The following MTUS2 variants were observed in gnomAD, a reference collection of about 807,000 sequenced individuals.
The protein encoded by MTUS2 is microtubule-associated tumor suppressor candidate 2.
Under a neutral mutation model 114.1 loss-of-function variants are expected in MTUS2, and 40 were observed. The observed-to-expected ratio is 0.35, with a 90% confidence interval of 0.27 to 0.46. The LOEUF (loss-of-function observed/expected upper bound fraction) is 0.46. MTUS2 is among the 20% of genes least tolerant of loss of function. The pLI, the probability that MTUS2 is intolerant of heterozygous loss-of-function variation, is 1.00. For missense variants in MTUS2, 1,679 were observed against 1,705.4 expected (o/e 0.98, Z 0.27); for synonymous variants, 688 against 672.0 (o/e 1.02, Z -0.37).
chr13:29,361,669 C>G (rs1870261729), intron 8 of MTUS2, among the ~76,000 whole-genome samples: 1 of 152,106 alleles, frequency 6.6e-6, no homozygotes, highest in Non-Finnish European at 1.5e-5. Context: ...TTTGAAGTTA[C>G]CAGGTCAGGA....
At chr13:29,476,780 A>G (rs1435247278) in intron 9 of MTUS2, 2 of 152,214 alleles carry the variant, frequency 1.3e-5, no homozygotes, top group Non-Finnish European at 2.9e-5. Context: ...GAGTCCATCG[A>G]GTGACAGTTT....
intron 5 of MTUS2, among the ~76,000 whole-genome samples, chr13:29,247,696 TGTGATACC>T (rs1402128644): frequency 6.6e-6 from 1 of 152,052 alleles, no homozygotes; most frequent in Non-Finnish European, 1.5e-5. Context: ...AAAACTACAA[TGTGATACC>T]GCCATACTCC....
At chr13:28,918,745 T>C (rs1054713205) in intron 2 of MTUS2, among the ~76,000 whole-genome samples, 1 of 152,064 alleles carries the variant, frequency 6.6e-6, no homozygotes, top group African/African-American at 2.4e-5. Flanking sequence ...TGCTTTGTGG[T>C]CTTCCTTCTT....
At chr13:29,411,113 A>G (rs1200636986) in intron 8 of MTUS2, among the ~76,000 whole-genome samples, 3 of 152,194 alleles carry the variant, frequency 2.0e-5, no homozygotes, top group African/African-American at 7.2e-5. Flanking sequence ...TCATGCTCAC[A>G]GGCTTGAGCC....
At chr13:29,086,335 A>G (rs1236676488) in intron 4 of MTUS2, among the ~76,000 whole-genome samples, 1 of 152,146 alleles carries the variant, frequency 6.6e-6, no homozygotes, top group African/African-American at 2.4e-5. Context: ...TGGAGACTTT[A>G]TCATGAAATC....
At chr13:28,931,231 T>C (rs1255275055) in intron 2 of MTUS2, among the ~76,000 whole-genome samples, 3 of 152,162 alleles carry the variant, frequency 2.0e-5, no homozygotes, top group Non-Finnish European at 4.4e-5. Context: ...CAATTGAAAA[T>C]ATTTTTGGGA....
intron 2 of MTUS2, among the ~76,000 whole-genome samples, chr13:28,906,048 G>T (rs1879985868): frequency 6.6e-6 from 1 of 151,626 alleles, no homozygotes; most frequent in Non-Finnish European, 1.5e-5. Flanking sequence ...GCGTAGAGTT[G>T]TTTGTAGTAT....
chr13:29,297,901 A>G (rs1899020278), intron 6 of MTUS2, among the ~76,000 whole-genome samples: 1 of 152,138 alleles, frequency 6.6e-6, no homozygotes, highest in Non-Finnish European at 1.5e-5. Flanking sequence ...AAAACATGCT[A>G]TTCAGTGCTG....
chr13:29,389,291 A>ATATATGTATATATGTATACACATG (rs1872879734), intron 8 of MTUS2, among the ~76,000 whole-genome samples: 4 of 89,984 alleles, frequency 4.4e-5, no homozygotes, highest in Admixed American at 9.6e-5. Flanking sequence ...GTATACACAT[A>ATATATGTATATATGTATACACATG]TGTGTGTATA....
At chr13:29,452,333 T>C (rs1362370741) in intron 9 of MTUS2, among the ~76,000 whole-genome samples, 2 of 152,218 alleles carry the variant, frequency 1.3e-5, no homozygotes, top group African/African-American at 2.4e-5. Flanking sequence ...GGTTATTTTA[T>C]GTGGAGGTGT....
rs1043553013 is a variant in MTUS2 at position 29,324,043 on chromosome 13, T to C, written c.2807-570T>C. Among the ~76,000 whole-genome samples, 5 of 152,210 alleles carry C rather than the reference T, an allele frequency of 3.3e-5. No homozygotes were observed. The East Asian group carries it at 9.6e-4, about 29-fold the overall frequency. Reference sequence around the variant, plus strand: ...AATATGAGGAGCGTCCACATGCTTTTGCTGGACCAGCTCTGGCAGCAAGTT... The same window carrying C: ...AATATGAGGAGCGTCCACATGCTTTCGCTGGACCAGCTCTGGCAGCAAGTT... On this transcript the variant is annotated intron_variant, in intron 6 of 15. Coordinates refer to ENST00000612955, the MANE Select transcript of MTUS2 (RefSeq NM_001033602.4).
chr13:28,913,352 C>A (rs919366507), intron 2 of MTUS2, among the ~76,000 whole-genome samples: 1 of 152,060 alleles, frequency 6.6e-6, no homozygotes, highest in Non-Finnish European at 1.5e-5. Context: ...AAGTCCTTTT[C>A]TGTGTCTATT....
chr13:28,938,373 C>G (rs920821704), intron 2 of MTUS2, among the ~76,000 whole-genome samples: 3 of 145,288 alleles, frequency 2.1e-5, no homozygotes, highest in African/African-American at 7.7e-5. Context: ...GAGTGAGACT[C>G]TGTCTCAAAA....
intron 4 of MTUS2, among the ~76,000 whole-genome samples, chr13:29,093,889 A>G (rs940459810): frequency 2.6e-5 from 4 of 152,180 alleles, no homozygotes; most frequent in Admixed American, 2.0e-4. Context: ...TTTTCCAATA[A>G]GCCCTTATAA....
chr13:29,267,706 C>T (rs1319128715), intron 5 of MTUS2, among the ~76,000 whole-genome samples: 1 of 151,968 alleles, frequency 6.6e-6, no homozygotes, highest in Non-Finnish European at 1.5e-5. Context: ...GTTGATATCA[C>T]GAGATCTAAG....
At chr13:29,216,868 C>T (rs551915884) in intron 5 of MTUS2, among the ~76,000 whole-genome samples, 29 of 152,278 alleles carry the variant, frequency 1.9e-4, no homozygotes, top group African/African-American at 5.8e-4. Flanking sequence ...AAATTCCCAC[C>T]AACAGTGCAC....
chr13:28,927,257 A>G (rs563374610), intron 2 of MTUS2, among the ~76,000 whole-genome samples: 4 of 152,236 alleles, frequency 2.6e-5, no homozygotes, highest in Non-Finnish European at 5.9e-5. Context: ...TGCTGTGTTC[A>G]GCACAAGAAA....
At chr13:29,264,225 C>T (rs1378715934) in intron 5 of MTUS2, among the ~76,000 whole-genome samples, 1 of 152,244 alleles carries the variant, frequency 6.6e-6, no homozygotes, top group Non-Finnish European at 1.5e-5. Context: ...TCCTTTGACT[C>T]CATGTCCCAC....
intron 5 of MTUS2, among the ~76,000 whole-genome samples, chr13:29,251,664 G>A (rs7324679): frequency 6.6e-6 from 1 of 152,070 alleles, no homozygotes; most frequent in African/African-American, 2.4e-5. Flanking sequence ...CTATGAATTT[G>A]CCTACTCTAG....
Sources: allele counts gnomAD v4.1 joint callset (sites outside exome capture counted in the v4.1 genomes callset), GRCh38; gene constraint gnomAD v4.1.1; transcripts MANE v1.5; gene names NCBI Gene and HGNC (gene_info 2026-07-23, HGNC 2026-07-21).